Variants in CRMP1 observed in about 807,000 individuals in gnomAD.
CRMP1 encodes dihydropyrimidinase-related protein 1.
In CRMP1, 19 loss-of-function variants were observed where a neutral mutation model predicts 68.3. The observed-to-expected ratio is 0.28, with a 90% CI of 0.19 to 0.41. The LOEUF (loss-of-function observed/expected upper bound fraction) is 0.41, where lower values mean the gene tolerates loss of function less well. Ranked by LOEUF, CRMP1 falls within the 10% of genes least tolerant of loss-of-function variation. CRMP1 has a pLI of 1.00. For synonymous variants in CRMP1, 439 were observed against 399.6 expected, an observed-to-expected ratio of 1.10 and a Z score of -1.18; for missense variants, 791 against 967.4, an observed-to-expected ratio of 0.82 and a Z score of 2.42.
At chr4:5,871,674 A>G (rs1307669951) in intron 1 of CRMP1, among the ~76,000 whole-genome samples, 1 of 152,118 alleles carries the variant, frequency 6.6e-6, no homozygotes, top group Non-Finnish European at 1.5e-5. Context: ...GCCCACCAAA[A>G]AAAAGAAAAA....
Position 5,888,096 on chromosome 4 carries a change from C to T in CRMP1, c.381+4493G>A, listed in dbSNP as rs1715729488. ...GGGGCTGAAATCCCGAGACCGGCCCCGCCCCACCCGCGGCGACGCAGGAGG... is the reference window on the plus strand; with the variant it reads ...GGGGCTGAAATCCCGAGACCGGCCCTGCCCCACCCGCGGCGACGCAGGAGG... On this transcript the variant is annotated intron_variant, in intron 1 of 13. Coordinates refer to ENST00000324989, the MANE Select transcript of CRMP1 (RefSeq NM_001014809.3). The surrounding 1 kb of genome is among the most constrained non-coding windows in gnomAD (Gnocchi z 6.4). 3 of 1,070,276 alleles carry T rather than the reference C, an allele frequency of 2.8e-6. No homozygotes were observed. The highest frequency in any genetic ancestry group is 1.6e-5 in the African/African-American group (1 of 60,836). 66.3% of individuals were successfully genotyped at this position (1,070,276 alleles called of 1,614,324 possible).
At chr4:5,824,793 G>A (rs1219767402) in intron 13 of CRMP1, 1 of 985,058 alleles carries the variant, frequency 1.0e-6, no homozygotes, top group Admixed American at 6.2e-5. Flanking sequence ...ACGCCTCAAA[G>A]AGTTTGCAGG....
In CRMP1 at chr4:5,889,894, T is replaced by G; in HGVS notation, c.381+2695A>C. ...GCTTCACAGAGAAGCCAGCTCAGTA[T>G]CCCAGGAACACTAGGCATAATTTTC... On this transcript the variant is annotated intron_variant, in intron 1 of 13. Transcript: ENST00000324989. This position sits in a 1 kb window ranked among gnomAD's most constrained non-coding sequence, Gnocchi z 4.5. The G allele has an allele frequency of 7.1e-7, 1 of 1,413,218 alleles. No individual in the cohort carries two copies. The highest frequency in any genetic ancestry group is 9.2e-7 in the Non-Finnish European group (1 of 1,085,544). The allele number at this position is 1,413,218 out of a possible 1,614,324, so 87.5% of individuals were successfully genotyped here.
Position 5,865,444 on chromosome 4 carries a change from A to AC in CRMP1, c.470+1223dup, listed in dbSNP as rs368422512. Among the ~76,000 whole-genome samples the AC allele has an allele frequency of 2.4e-3, 357 of 151,712 alleles. 3 individuals carry two copies. The highest frequency in any genetic ancestry group is 8.0e-3 in the African/African-American group (332 of 41,338). The stretch of plus-strand genomic sequence containing the variant: ...AGACCATCCTGGCCAACATGGTGAA[A>AC]CCCCCGTCTCTACTAAAATGCAAAA... On this transcript the variant is annotated intron_variant, in intron 2 of 13. Coordinates refer to ENST00000324989, the MANE Select transcript of CRMP1 (RefSeq NM_001014809.3). The surrounding 1 kb of genome is among the most constrained non-coding windows in gnomAD (Gnocchi z 4.1).
chr4:5,863,661 G>T (rs762192393), intron 2 of CRMP1, among the ~76,000 whole-genome samples: 1 of 152,010 alleles, frequency 6.6e-6, no homozygotes, highest in Non-Finnish European at 1.5e-5. Context: ...CTCAACCACC[G>T]GCACTAGATT....
At chr4:5,831,084 G>GACT (rs370590427) in intron 11 of CRMP1, among the ~76,000 whole-genome samples, 145 of 152,206 alleles carry the variant, frequency 9.5e-4, no homozygotes, top group African/African-American at 3.3e-3. Context: ...AAGTAGCTAG[G>GACT]ACTACAGGCA....
At chr4:5,878,003 G>A (rs555104227) in intron 1 of CRMP1, among the ~76,000 whole-genome samples, 26 of 152,332 alleles carry the variant, frequency 1.7e-4, no homozygotes, top group Admixed American at 6.5e-4. Context: ...AAAGAAATCC[G>A]AACAGAACTC....
At chr4:5,884,883 T>C (rs149125022) in intron 1 of CRMP1, among the ~76,000 whole-genome samples, 1 of 151,904 alleles carries the variant, frequency 6.6e-6, no homozygotes, top group African/African-American at 2.4e-5. Flanking sequence ...TAGGAAGCCA[T>C]GTGCCTTTGT....
In CRMP1 at chr4:5,825,766, A is replaced by G. The variant is rs73206228; in HGVS notation, c.1804-107T>C. The G allele has an allele frequency of 0.051, 56,795 of 1,106,492 alleles. 1,814 individuals are homozygous for G. Among genetic ancestry groups the G allele is most frequent in the African/African-American group, 0.067 (3,919 of 58,778 alleles). The allele number at this position is 1,106,492 out of a possible 1,614,324, so 68.5% of individuals were successfully genotyped here. On this transcript the variant is annotated intron_variant, in intron 12 of 13. Transcript: ENST00000324989. The surrounding 1 kb of genome is among the most constrained non-coding windows in gnomAD (Gnocchi z 4.4). ...CGAGAGAGAAACCTGAGGTCACTTC[A>G]AATGTGCATGCACACACACACACAA...
rs1406788569 is a variant in CRMP1 at position 5,861,227 on chromosome 4, G to C, written c.471-17C>G. 1 of 1,609,558 alleles carries C rather than the reference G, an allele frequency of 6.2e-7. No homozygotes were observed. The highest frequency in any genetic ancestry group is 1.1e-5 in the South Asian group (1 of 90,540). ...CCTATTTGTCTGGAGGCAAACAACA[G>C]AGACAGCCTTGGTTCTTAAAGGAAA... On this transcript the variant is annotated splice_polypyrimidine_tract_variant and intron_variant, in intron 2 of 13. Coordinates refer to ENST00000324989, the MANE Select transcript of CRMP1 (RefSeq NM_001014809.3). The surrounding 1 kb of genome is among the most constrained non-coding windows in gnomAD (Gnocchi z 6.0).
chr4:5,832,086 T>C (rs1161140693), intron 11 of CRMP1, among the ~76,000 whole-genome samples: 1 of 152,222 alleles, frequency 6.6e-6, no homozygotes, highest in Admixed American at 6.5e-5. Flanking sequence ...AGGCCACATA[T>C]TGGATGATTC....
At chr4:5,828,235 A>G (rs1719991890) in intron 12 of CRMP1, 5 of 985,350 alleles carry the variant, frequency 5.1e-6, no homozygotes, top group Non-Finnish European at 6.0e-6. Context: ...CCCTCCCATG[A>G]TCCACCCACC....
At chr4:5,836,743 C>A in intron 10 of CRMP1, 22 bp downstream of exon 10, 1 of 1,614,004 alleles carries the variant, frequency 6.2e-7, no homozygotes, top group Non-Finnish European at 8.5e-7. Context: ...TAGAATGCTC[C>A]TGAGAAGAGA....
intron 1 of CRMP1, among the ~76,000 whole-genome samples, chr4:5,876,747 C>G (rs1278509316): frequency 6.6e-6 from 1 of 151,500 alleles, no homozygotes; most frequent in Non-Finnish European, 1.5e-5. Flanking sequence ...CCCCCACCAC[C>G]CCCCTTCTGA....
Position 5,842,976 on chromosome 4 carries a change from C to A in CRMP1, c.1032+117G>T, listed in dbSNP as rs1408278305. On this transcript the variant is annotated intron_variant, in intron 7 of 13. Transcript: ENST00000324989. This position sits in a 1 kb window ranked among gnomAD's most constrained non-coding sequence, Gnocchi z 4.5. Reference sequence around the variant, plus strand: ...GGAAAACAAGATGGTTTGGGATGGTCTGGGAGAGGACACGGGAAGAGGCCG... The same window carrying A: ...GGAAAACAAGATGGTTTGGGATGGTATGGGAGAGGACACGGGAAGAGGCCG... 1.0e-6 allele frequency: 1 copy of A among 957,018 alleles called. No homozygotes were observed. Among genetic ancestry groups the A allele is most frequent in the African/African-American group, 1.6e-5 (1 of 61,962 alleles). 59.3% of individuals were successfully genotyped at this position (957,018 alleles called of 1,614,324 possible). A position where few individuals can be genotyped will look rare whatever the true frequency, so the allele number is the denominator to read the frequency against.
At chr4:5,852,269 A>G (rs1712716185) in intron 4 of CRMP1, among the ~76,000 whole-genome samples, 1 of 152,178 alleles carries the variant, frequency 6.6e-6, no homozygotes, top group Non-Finnish European at 1.5e-5. Context: ...TTGAGACGTT[A>G]CTGCACCTCT....
chr4:5,835,963 G>C lies in CRMP1; in HGVS notation c.1575C>G (p.Ile525Met). The C allele has an allele frequency of 6.3e-7, 1 of 1,593,876 alleles. No homozygotes were observed. The highest frequency in any genetic ancestry group is 8.5e-7 in the Non-Finnish European group (1 of 1,170,158). ...IAVGSDADVV[I>M]WDPDKLKTIT... Reference sequence around the variant, plus strand: ...TGGTCTTCAACTTGTCGGGGTCCCAGATGACCACGTCGGCATCCGAGCCCA... The same window carrying C: ...TGGTCTTCAACTTGTCGGGGTCCCACATGACCACGTCGGCATCCGAGCCCA... The change falls in exon 11 of 14, where the codon ATC (isoleucine) becomes ATG (methionine). Residue 525 changes from isoleucine (I) to methionine (M), a missense_variant. Ile to Met is a conservative substitution (Grantham distance 10). Transcript: ENST00000324989.
chr4:5,856,721 CTATCAT>C (rs1713091690), intron 3 of CRMP1, among the ~76,000 whole-genome samples: 1 of 151,680 alleles, frequency 6.6e-6, no homozygotes, highest in Non-Finnish European at 1.5e-5. Flanking sequence ...ACCGTCATCA[CTATCAT>C]TATCGCTCAT....
Position 5,860,620 on chromosome 4 carries a change from T to G in CRMP1, c.655+406A>C, listed in dbSNP as rs938725020. On this transcript the variant is annotated intron_variant, in intron 3 of 13. Coordinates refer to ENST00000324989, the MANE Select transcript of CRMP1 (RefSeq NM_001014809.3). This position sits in a 1 kb window ranked among gnomAD's most constrained non-coding sequence, Gnocchi z 4.2. Reference sequence around the variant, plus strand: ...TGAAACCATAGCCATCTTCACATCATGTTGAAGGATTTTTTTTTTTTTTGC... The same window carrying G: ...TGAAACCATAGCCATCTTCACATCAGGTTGAAGGATTTTTTTTTTTTTTGC... Among the ~76,000 whole-genome samples, 2 of 122,910 alleles carry G rather than the reference T, an allele frequency of 1.6e-5. No individual in the cohort carries two copies. The highest frequency in any genetic ancestry group is 8.9e-5 in the Admixed American group (1 of 11,294). 80.6% of individuals were successfully genotyped at this position (122,910 alleles called of 152,430 possible).
Sources: gnomAD v4.1 joint callset for allele counts (sites outside exome capture counted in the v4.1 genomes callset) on GRCh38, gnomAD v4.1.1 for gene constraint, Gnocchi (gnomAD v3.1) non-coding constraint, MANE v1.5 for transcripts, NCBI Gene and HGNC (gene_info 2026-07-23, HGNC 2026-07-21) for gene names.